Variants in APPBP2 observed in about 807,000 individuals in gnomAD.
The protein encoded by APPBP2 is amyloid protein-binding protein 2.
APPBP2 carries 15 observed loss-of-function variants against 76.0 expected under a neutral mutation model. The ratio of observed to expected loss-of-function variants is 0.20; its 90% confidence interval spans 0.13 to 0.30. The LOEUF is 0.30. Among genes scored for constraint, APPBP2 ranks in the 10% least tolerant of loss-of-function variants. The probability of loss-of-function intolerance (pLI) is 1.00; values close to 1 mark genes in which losing one functional copy is unlikely to be tolerated. For missense variants in APPBP2, 401 were observed against 687.2 expected, an observed-to-expected ratio of 0.58 and a Z score of 4.66; for synonymous variants, 222 against 242.2, an observed-to-expected ratio of 0.92 and a Z score of 0.77.
intron 1 of APPBP2, among the ~76,000 whole-genome samples, chr17:60,505,515 C>G (rs1164562144): frequency 6.6e-6 from 1 of 151,678 alleles, no homozygotes; most frequent in Non-Finnish European, 1.5e-5. Context: ...CGGGGCTTCA[C>G]GGTGTTAGCC....
Position 60,447,628 on chromosome 17 carries a change from C to G in APPBP2, c.1711G>C (p.Val571Leu), listed in dbSNP as rs1360592487. The G allele has an allele frequency of 3.7e-6, 6 of 1,613,942 alleles. No individual in the cohort carries two copies. Among genetic ancestry groups the G allele is most frequent in the Non-Finnish European group, 5.1e-6 (6 of 1,180,018 alleles). Reference sequence around the variant, plus strand: ...TTCTGAGAAATCAGGAAGGACTGCACCACTTCTTCAGTGGACTGGGGGCTG... The same window carrying G: ...TTCTGAGAAATCAGGAAGGACTGCAGCACTTCTTCAGTGGACTGGGGGCTG... ...STSPQSTEEV[V>L]QSFLISQNVE... The change falls in exon 13 of 13, where the codon GTG (valine) becomes CTG (leucine). Residue 571 changes from valine to leucine, a missense_variant. This residue lies in a region of APPBP2 where 56 missense variants were observed against 76.5 expected (regional missense o/e 0.73). Transcript: ENST00000083182.
At chr17:60,452,171 G>A in intron 11 of APPBP2, 126 bp from the exon 12 acceptor site, 1 of 987,692 alleles carries the variant, frequency 1.0e-6, no homozygotes, top group Non-Finnish European at 1.5e-6. Context: ...TCAGATCAAA[G>A]AACATACTAT....
intron 4 of APPBP2, among the ~76,000 whole-genome samples, 170 bp downstream of exon 4, chr17:60,478,978 C>A (rs2090610305): frequency 6.6e-6 from 1 of 152,154 alleles, no homozygotes; most frequent in African/African-American, 2.4e-5. Flanking sequence ...CTGTCTACAG[C>A]AGATTAACTA....
At chr17:60,516,185 AC>A (rs1392878275) in intron 1 of APPBP2, among the ~76,000 whole-genome samples, 4 of 151,954 alleles carry the variant, frequency 2.6e-5, no homozygotes, top group Non-Finnish European at 5.9e-5. Context: ...CAAAAAAAAA[AC>A]AAACAAAAAA....
In APPBP2 at chr17:60,444,844, A is replaced by G. The variant is rs763892055; in HGVS notation, c.*2737T>C. On this transcript the variant is annotated 3_prime_UTR_variant, in exon 13 of 13. Coordinates refer to ENST00000083182, the MANE Select transcript of APPBP2 (RefSeq NM_006380.5). ...GACTGGGTAGAAGAGTCAGAGAAGG[A>G]TGAGACCAAAGGCCCCTAATTTAAC... The G allele has an allele frequency of 6.6e-6, 1 of 152,608 alleles. No individual in the cohort carries two copies. The highest frequency in any genetic ancestry group is 1.5e-5 in the Non-Finnish European group (1 of 68,042). The allele number at this position is 152,608 out of a possible 1,614,324, so 9.5% of individuals were successfully genotyped here.
intron 1 of APPBP2, among the ~76,000 whole-genome samples, chr17:60,523,573 A>G (rs894549186): frequency 1.2e-4 from 19 of 152,190 alleles, no homozygotes; most frequent in Non-Finnish European, 2.9e-5. Context: ...ATATGCCTGT[A>G]GTCTCAGCTA....
At chr17:60,484,046 G>C (rs1449484796) in intron 3 of APPBP2, among the ~76,000 whole-genome samples, 2 of 152,132 alleles carry the variant, frequency 1.3e-5, no homozygotes, top group Non-Finnish European at 2.9e-5. Flanking sequence ...TTGTAGATGT[G>C]TGGTATTATT....
chr17:60,494,341 G>A, intron 3 of APPBP2, 125 bp downstream of exon 3: 1 of 971,466 alleles, frequency 1.0e-6, no homozygotes, highest in East Asian at 2.6e-5. Flanking sequence ...GGGTTAAGTG[G>A]TTCTGATGTT....
intron 3 of APPBP2, among the ~76,000 whole-genome samples, chr17:60,483,222 T>A (rs893085477): frequency 3.3e-5 from 5 of 152,224 alleles, no homozygotes; most frequent in African/African-American, 4.8e-5. Flanking sequence ...TGCATAAATG[T>A]CTTCTTTTGA....
Position 60,518,597 on chromosome 17 carries a change from C to T in APPBP2, c.138+7197G>A, listed in dbSNP as rs560949901. Reference sequence around the variant, plus strand: ...GTGTCATGATAACCACTCACTGCAGCCTTGAATCTCCCAGGCCCAAGCGAT... The same window carrying T: ...GTGTCATGATAACCACTCACTGCAGTCTTGAATCTCCCAGGCCCAAGCGAT... On this transcript the variant is annotated intron_variant, in intron 1 of 12. Transcript: ENST00000083182. Among the ~76,000 whole-genome samples, 7 of 151,980 alleles carry T rather than the reference C, an allele frequency of 4.6e-5. No homozygotes were observed. In the South Asian group the frequency reaches 1.2e-3, roughly 27 times the overall value.
chr17:60,487,717 C>T (rs1433150363), intron 3 of APPBP2, among the ~76,000 whole-genome samples: 1 of 152,222 alleles, frequency 6.6e-6, no homozygotes, highest in Admixed American at 6.5e-5. Context: ...AAGTCATTCT[C>T]CATCTGGCTT....
At position 60,490,451 on chromosome 17, in the gene APPBP2, T is replaced by C. The variant is rs529270690; in HGVS notation, c.379+4015A>G. On this transcript the variant is annotated intron_variant, in intron 3 of 12. Coordinates refer to ENST00000083182, the MANE Select transcript of APPBP2 (RefSeq NM_006380.5). The stretch of plus-strand genomic sequence containing the variant: ...TGTAATTCCAGTAGTTTGGGAAGAA[T>C]GCTTGAGCCCAGGAGTTCAAGACCA... Among the ~76,000 whole-genome samples, 181 of 152,244 alleles carry C rather than the reference T, an allele frequency of 1.2e-3. 1 individual carries two copies. The highest frequency in any genetic ancestry group is 4.2e-3 in the African/African-American group (173 of 41,534).
chr17:60,470,795 T>A (rs1016851832), intron 4 of APPBP2, among the ~76,000 whole-genome samples: 1 of 120,764 alleles, frequency 8.3e-6, no homozygotes, highest in Non-Finnish European at 1.5e-5. Context: ...CAGACTGGAT[T>A]TTTTTTTTTT....
At chr17:60,482,116 G>A (rs1220874701) in intron 3 of APPBP2, among the ~76,000 whole-genome samples, 3 of 152,094 alleles carry the variant, frequency 2.0e-5, no homozygotes, top group African/African-American at 7.2e-5. Flanking sequence ...TCTAACCTCA[G>A]GAGATCCGCC....
At chr17:60,499,576 T>A (rs58651544) in intron 2 of APPBP2, among the ~76,000 whole-genome samples, 14,531 of 152,036 alleles carry the variant, frequency 0.096, 2,317 homozygotes, top group African/African-American at 0.33. Flanking sequence ...ATAACCAAAA[T>A]AACTGAAGGC....
chr17:60,479,691 T>C (rs543146142), intron 3 of APPBP2, among the ~76,000 whole-genome samples: 19 of 152,344 alleles, frequency 1.2e-4, no homozygotes, highest in African/African-American at 4.6e-4. Flanking sequence ...AAAAAGACTG[T>C]GATCCTTAAT....
At chr17:60,505,507 G>A (rs1342072108) in intron 1 of APPBP2, among the ~76,000 whole-genome samples, 2 of 151,770 alleles carry the variant, frequency 1.3e-5, no homozygotes, top group South Asian at 2.1e-4. Context: ...AGTAGAGACG[G>A]GGCTTCACGG....
At chr17:60,515,471 A>G (rs1567942402) in intron 1 of APPBP2, among the ~76,000 whole-genome samples, 1 of 152,206 alleles carries the variant, frequency 6.6e-6, no homozygotes. Context: ...CGCACAACTC[A>G]TATTTTAAAT....
intron 1 of APPBP2, among the ~76,000 whole-genome samples, chr17:60,522,506 G>C (rs573971306): frequency 6.1e-4 from 93 of 152,150 alleles, no homozygotes; most frequent in Non-Finnish European, 1.0e-3. Context: ...TCTACTTTTT[G>C]TAGAGAAGGG....
Sources: allele counts gnomAD v4.1 joint callset (sites outside exome capture counted in the v4.1 genomes callset), GRCh38; gene constraint gnomAD v4.1.1; regional missense constraint gnomAD v4.1.1; transcripts MANE v1.5; gene names NCBI Gene and HGNC (gene_info 2026-07-23, HGNC 2026-07-21).